The following SMCO4 variants were observed in gnomAD, a reference collection of about 807,000 sequenced individuals.
SMCO4 encodes the protein single-pass membrane protein with coiled-coil domains 4.
SMCO4 carries 4 observed loss-of-function variants against 3.6 expected under a neutral mutation model. The ratio of observed to expected loss-of-function variants is 1.11; its 90% CI spans 0.54 to 2.53. The LOEUF is 2.53. Ranked by LOEUF, SMCO4 falls within the 30% of genes most tolerant of loss-of-function variation. The pLI, the probability that SMCO4 is intolerant of heterozygous loss-of-function variation, is 0.02. For missense variants in SMCO4, 70 were observed against 80.8 expected (o/e 0.87, Z 0.51); for synonymous variants, 36 against 35.3 (o/e 1.02, Z -0.07).
chr11:93,496,711 A>C (rs1369069076), intron 2 of SMCO4, among the ~76,000 whole-genome samples: 1 of 152,242 alleles, frequency 6.6e-6, no homozygotes, highest in Non-Finnish European at 1.5e-5. Flanking sequence ...GAGGATCCTC[A>C]CTAATGCAGA....
chr11:93,542,702 G>T (rs1429252804), intron 1 of SMCO4, among the ~76,000 whole-genome samples: 1 of 152,144 alleles, frequency 6.6e-6, no homozygotes, highest in African/African-American at 2.4e-5. Flanking sequence ...GAAAGAACGG[G>T]GGAGGAGGAA....
intron 1 of SMCO4, among the ~76,000 whole-genome samples, chr11:93,529,745 C>A (rs965573373): frequency 6.6e-6 from 1 of 152,238 alleles, no homozygotes; most frequent in Non-Finnish European, 1.5e-5. Flanking sequence ...ACTGGGCAAA[C>A]TGAACCGACG....
intron 2 of SMCO4, among the ~76,000 whole-genome samples, chr11:93,494,140 G>A (rs1035024848): frequency 2.0e-5 from 3 of 152,242 alleles, no homozygotes; most frequent in East Asian, 1.9e-4. Flanking sequence ...TGCCACCCTT[G>A]CTCATCTCAC....
chr11:93,514,416 ATATAT>A (rs1948990193), intron 1 of SMCO4, among the ~76,000 whole-genome samples: 3 of 49,162 alleles, frequency 6.1e-5, no homozygotes, highest in African/African-American at 1.3e-4. Flanking sequence ...ATATATATAT[ATATAT>A]AAAATTTGGT....
At chr11:93,525,771 T>C (rs1406647889) in intron 1 of SMCO4, among the ~76,000 whole-genome samples, 9 of 152,120 alleles carry the variant, frequency 5.9e-5, no homozygotes, top group Admixed American at 3.9e-4. Context: ...AGTCTTCGAG[T>C]ACCATTCTCA....
upstream of SMCO4, among the ~76,000 whole-genome samples, chr11:93,545,375 G>C (rs1033981004): frequency 1.3e-5 from 2 of 151,718 alleles, no homozygotes; most frequent in Non-Finnish European, 2.9e-5. Context: ...ATCACCTGAG[G>C]TCAGGAGTTC....
chr11:93,521,431 C>T (rs1390588453), intron 1 of SMCO4, among the ~76,000 whole-genome samples: 4 of 152,324 alleles, frequency 2.6e-5, no homozygotes, highest in South Asian at 4.1e-4. Flanking sequence ...CTCGAGCTAA[C>T]TCATCTAACT....
At position 93,481,279 on chromosome 11, in the gene SMCO4, T is replaced by C. The variant is rs1053279704; in HGVS notation, c.-80-2010A>G. Among the ~76,000 whole-genome samples, 3 of 152,212 alleles carry C rather than the reference T, an allele frequency of 2.0e-5. 1 individual carries two copies. The South Asian group carries it at 6.2e-4, about 32-fold the overall frequency. ...GTCTTAAAGGATGACTGTGAGAATC[T>C]GGAAAACAAATGCATCTGTACCCAG... On this transcript the variant is annotated intron_variant, in intron 2 of 2. Coordinates refer to ENST00000298966, the MANE Select transcript of SMCO4 (RefSeq NM_020179.3).
upstream of SMCO4, among the ~76,000 whole-genome samples, chr11:93,545,459 C>A (rs1949308605): frequency 1.3e-5 from 2 of 151,854 alleles, no homozygotes; most frequent in Admixed American, 1.3e-4. Flanking sequence ...TGGTGGCAGG[C>A]ACCTATAATC....
intron 1 of SMCO4, among the ~76,000 whole-genome samples, chr11:93,506,131 A>C (rs1281319930): frequency 3.9e-5 from 6 of 152,046 alleles, no homozygotes; most frequent in African/African-American, 1.4e-4. Context: ...ACACACGGGG[A>C]GGGAGAGGTG....
At chr11:93,501,235 A>C (rs1948835065) in intron 1 of SMCO4, among the ~76,000 whole-genome samples, 1 of 152,226 alleles carries the variant, frequency 6.6e-6, no homozygotes. Context: ...AAGTGCTCAG[A>C]AGCTTTTCTA....
intron 2 of SMCO4, among the ~76,000 whole-genome samples, chr11:93,497,660 G>A (rs547656477): frequency 4.0e-5 from 6 of 151,764 alleles, no homozygotes; most frequent in African/African-American, 1.2e-4. Context: ...GATGGTTGGG[G>A]GGAACTGAAC....
chr11:93,511,345 G>C (rs1948955198), intron 1 of SMCO4, among the ~76,000 whole-genome samples: 1 of 152,120 alleles, frequency 6.6e-6, no homozygotes, highest in Non-Finnish European at 1.5e-5. Flanking sequence ...GACTGATGCA[G>C]GCCAGCCTTT....
chr11:93,532,709 A>C (rs1220067452), intron 1 of SMCO4, among the ~76,000 whole-genome samples: 2 of 152,164 alleles, frequency 1.3e-5, no homozygotes, highest in African/African-American at 2.4e-5. Context: ...ACAAGCCAAG[A>C]ATACCAAGGA....
At chr11:93,497,511 G>A (rs1410822240) in intron 2 of SMCO4, among the ~76,000 whole-genome samples, 1 of 152,162 alleles carries the variant, frequency 6.6e-6, no homozygotes, top group Admixed American at 6.5e-5. Flanking sequence ...AAGCTGCCTG[G>A]CTGAGGGTGG....
chr11:93,497,084 C>A (rs948723897), intron 2 of SMCO4, among the ~76,000 whole-genome samples: 12 of 152,092 alleles, frequency 7.9e-5, no homozygotes, highest in East Asian at 7.7e-4. Flanking sequence ...TTTTAATAGC[C>A]CCCCTTCTAG....
chr11:93,544,638 T>C (rs532775055), upstream of SMCO4, among the ~76,000 whole-genome samples: 2 of 152,166 alleles, frequency 1.3e-5, no homozygotes, highest in East Asian at 3.9e-4. Context: ...ACTTAAGGCT[T>C]TTTTTTTCAT....
intron 2 of SMCO4, among the ~76,000 whole-genome samples, chr11:93,483,767 C>T (rs558208501): frequency 6.6e-6 from 1 of 152,190 alleles, no homozygotes; most frequent in South Asian, 2.1e-4. Flanking sequence ...CAAGGCCCTG[C>T]CACTGACACA....
chr11:93,506,419 T>C (rs889694762), intron 1 of SMCO4, among the ~76,000 whole-genome samples: 4 of 151,550 alleles, frequency 2.6e-5, no homozygotes, highest in African/African-American at 9.7e-5. Context: ...GTCATTATAT[T>C]CTCTACTGCC....
Sources: gnomAD v4.1 joint callset for allele counts (sites outside exome capture counted in the v4.1 genomes callset) on GRCh38, gnomAD v4.1.1 for gene constraint, MANE v1.5 for transcripts, NCBI Gene and HGNC (gene_info 2026-07-23, HGNC 2026-07-21) for gene names.